Variants in SLC12A7 observed in about 807,000 individuals in gnomAD.
SLC12A7 encodes K-Cl cotransporter 4.
In SLC12A7, 100 loss-of-function variants were observed where a neutral mutation model predicts 120.6. The ratio of observed to expected loss-of-function variants is 0.83; its 90% CI spans 0.71 to 0.98. SLC12A7 has a LOEUF of 0.98. Among genes scored for constraint, SLC12A7 ranks in the 50% least tolerant of loss-of-function variants. The pLI is 0.00. For synonymous variants in SLC12A7, 760 were observed against 678.0 expected (o/e 1.12, Z -1.88); for missense variants, 1,373 against 1,548.1 (o/e 0.89, Z 1.90).
chr5:1,152,590 T>TAGAGAACGGAGA, the SLC12A7 span, among the ~76,000 whole-genome samples: 3 of 143,708 alleles, frequency 2.1e-5, 1 homozygote, highest in African/African-American at 7.9e-5. Context: ...GAGAAGGGAG[T>TAGAGAACGGAGA]CCCCCAAGCT....
intron 1 of SLC12A7, among the ~76,000 whole-genome samples, chr5:1,111,083 G>A (rs891222641): frequency 6.6e-6 from 1 of 152,200 alleles, no homozygotes; most frequent in African/African-American, 2.4e-5. Flanking sequence ...CGCGGGGTGG[G>A]GGCTGGACTG....
intron 6 of SLC12A7, 25 bp downstream of exon 6, chr5:1,086,878 A>C (rs1202832984): frequency 9.3e-6 from 15 of 1,609,886 alleles, no homozygotes; most frequent in Non-Finnish European, 1.3e-5. Flanking sequence ...GTGGGGTGGG[A>C]ACCCTTCCAA....
the SLC12A7 span, among the ~76,000 whole-genome samples, chr5:1,140,395 C>T: frequency 2.0e-5 from 3 of 152,224 alleles, no homozygotes; most frequent in Admixed American, 1.3e-4. Context: ...TCTGTTCCCC[C>T]CCACCGGGTC....
At chr5:1,143,125 C>T in the SLC12A7 span, among the ~76,000 whole-genome samples, 520 of 152,330 alleles carry the variant, frequency 3.4e-3, 1 homozygote, top group Admixed American at 7.0e-3. Flanking sequence ...CCCCTCCATC[C>T]GCAGGGTCAG....
In SLC12A7 at chr5:1,078,032, G is replaced by A. The variant is rs757315743; in HGVS notation, c.1455-25C>T. ...CCTGCAGGCAGGCGGGCAGGCGGGC[G>A]GGCGGCTTTCAGAAGTGAGCCTGAG... On this transcript the variant is annotated intron_variant, in intron 11 of 23. Coordinates refer to ENST00000264930, the MANE Select transcript of SLC12A7 (RefSeq NM_006598.3). The A allele has an allele frequency of 5.8e-5, 89 of 1,537,976 alleles. No individual in the cohort carries two copies. The Admixed American group carries it at 1.1e-3, about 19-fold the overall frequency.
the SLC12A7 span, among the ~76,000 whole-genome samples, chr5:1,148,668 C>T: frequency 1.3e-5 from 2 of 152,196 alleles, no homozygotes; most frequent in Non-Finnish European, 2.9e-5. Flanking sequence ...GGGCAATGGC[C>T]AACAGTGGGT....
intron 17 of SLC12A7, among the ~76,000 whole-genome samples, chr5:1,067,252 C>G (rs970703458): frequency 6.6e-6 from 1 of 152,218 alleles, no homozygotes; most frequent in African/African-American, 2.4e-5. Context: ...ACACGTTACC[C>G]CCAAGGGGCA....
the SLC12A7 span, among the ~76,000 whole-genome samples, chr5:1,126,950 G>A: frequency 6.6e-6 from 1 of 152,176 alleles, no homozygotes; most frequent in Non-Finnish European, 1.5e-5. Context: ...GTGGCTCCTT[G>A]CAGTTGGGAC....
intron 7 of SLC12A7, among the ~76,000 whole-genome samples, chr5:1,084,310 C>T (rs1238716021): frequency 3.3e-5 from 5 of 152,346 alleles, no homozygotes; most frequent in East Asian, 1.9e-4. Flanking sequence ...ACAATTCACA[C>T]GTTTTCCACC....
At position 1,111,967 on chromosome 5, in the gene SLC12A7, G is replaced by T; in HGVS notation, c.25C>A (p.Pro9Thr). 1 of 1,292,376 alleles carries T rather than the reference G, an allele frequency of 7.7e-7. No individual in the cohort carries two copies. Among genetic ancestry groups the T allele is most frequent in the Non-Finnish European group, 9.8e-7 (1 of 1,020,158 alleles). 80.1% of individuals were successfully genotyped at this position (1,292,376 alleles called of 1,614,324 possible). A position where few individuals can be genotyped will look rare whatever the true frequency, so the allele number is the denominator to read the frequency against. Reference sequence around the variant, plus strand: ...CCGCCGTCGGCGTGAGCCTCCACGGGCACCACGGTGAAGTTGGTGGGCATG... The same window carrying T: ...CCGCCGTCGGCGTGAGCCTCCACGGTCACCACGGTGAAGTTGGTGGGCATG... MPTNFTVV[P>T]VEAHADGGGD... Residue 9 changes from proline (P) to threonine (T), a missense_variant, in exon 1 of 24, where the codon CCC becomes ACC. Pro to Thr is a conservative substitution (Grantham distance 38). Coordinates refer to ENST00000264930, the MANE Select transcript of SLC12A7 (RefSeq NM_006598.3).
At chr5:1,084,747 C>A (rs1188768299) in intron 7 of SLC12A7, among the ~76,000 whole-genome samples, 1 of 152,196 alleles carries the variant, frequency 6.6e-6, no homozygotes, top group Non-Finnish European at 1.5e-5. Context: ...AGGGGCTTGG[C>A]TGCTGGCCCT....
At chr5:1,109,748 C>T (rs6874041) in intron 1 of SLC12A7, among the ~76,000 whole-genome samples, 32,164 of 152,250 alleles carry the variant, frequency 0.21, 5,613 homozygotes, top group African/African-American at 0.46. Context: ...GCCCTCTCCA[C>T]GCCCACCTGG....
At chr5:1,099,149 A>C (rs918096167) in intron 1 of SLC12A7, among the ~76,000 whole-genome samples, 2 of 152,156 alleles carry the variant, frequency 1.3e-5, no homozygotes, top group Admixed American at 6.5e-5. Flanking sequence ...AGCAGGGTGA[A>C]GCGGGGGCGA....
At chr5:1,120,463 C>T in the SLC12A7 span, among the ~76,000 whole-genome samples, 5,226 of 152,328 alleles carry the variant, frequency 0.034, 289 homozygotes, top group East Asian at 0.18. Context: ...GGCAGTGTGC[C>T]GGGGACACCA....
At chr5:1,105,696 T>C (rs994552927) in intron 1 of SLC12A7, among the ~76,000 whole-genome samples, 2 of 152,236 alleles carry the variant, frequency 1.3e-5, no homozygotes, top group African/African-American at 4.8e-5. Flanking sequence ...TATTAACCCT[T>C]TGTGCTCTGC....
chr5:1,134,358 T>C, the SLC12A7 span, among the ~76,000 whole-genome samples: 2 of 151,916 alleles, frequency 1.3e-5, no homozygotes, highest in African/African-American at 4.8e-5. Context: ...TAATCCCAGC[T>C]ACTGGAGAGG....
At chr5:1,154,756 C>T in the SLC12A7 span, among the ~76,000 whole-genome samples, 12 of 149,402 alleles carry the variant, frequency 8.0e-5, no homozygotes, top group African/African-American at 2.2e-4. Context: ...CCCCAGGGCC[C>T]GTCGGAGCCC....
In SLC12A7 at chr5:1,089,139, G is replaced by A. The variant is rs1483705080; in HGVS notation, c.343-11C>T. On this transcript the variant is annotated splice_polypyrimidine_tract_variant and intron_variant, in intron 3 of 23. Transcript: ENST00000264930. ...GCCCATGCGCGGAGCCTGCGACAGAGCATAGCGTGTCCCAGGGGCTCGTAC... is the reference window on the plus strand; with the variant it reads ...GCCCATGCGCGGAGCCTGCGACAGAACATAGCGTGTCCCAGGGGCTCGTAC... 4 of 1,611,786 alleles carry A rather than the reference G, an allele frequency of 2.5e-6. No individual in the cohort carries two copies. The Admixed American group carries it at 5.0e-5, about 20-fold the overall frequency.
the SLC12A7 span, among the ~76,000 whole-genome samples, chr5:1,143,976 G>T: frequency 6.6e-6 from 1 of 152,218 alleles, no homozygotes; most frequent in East Asian, 1.9e-4. Flanking sequence ...TGGCCTCTTG[G>T]GCACCCTGCC....
Sources: allele counts gnomAD v4.1 joint callset (sites outside exome capture counted in the v4.1 genomes callset), GRCh38; gene constraint gnomAD v4.1.1; transcripts MANE v1.5; gene names NCBI Gene and HGNC (gene_info 2026-07-23, HGNC 2026-07-21).